The following NALF1 variants were observed in gnomAD, a reference collection of about 807,000 sequenced individuals.
The protein encoded by NALF1 is NALCN channel auxiliary factor 1.
In NALF1, 3 loss-of-function variants were observed where a neutral mutation model predicts 48.4. The observed-to-expected ratio is 0.06, with a 90% confidence interval of 0.03 to 0.16. The LOEUF (loss-of-function observed/expected upper bound fraction) is 0.16. Among genes scored for constraint, NALF1 ranks in the 10% least tolerant of loss-of-function variants. The pLI is 1.00. For missense variants in NALF1, 526 were observed against 571.5 expected, an observed-to-expected ratio of 0.92 and a Z score of 0.81; for synonymous variants, 262 against 245.7, an observed-to-expected ratio of 1.07 and a Z score of -0.62.
chr13:107,556,292 T>TAC (rs772041269), intron 1 of NALF1, among the ~76,000 whole-genome samples: 6 of 123,046 alleles, frequency 4.9e-5, no homozygotes, highest in African/African-American at 1.1e-4. Flanking sequence ...TATATATATA[T>TAC]ATATACACAC....
chr13:107,761,355 T>C (rs1299743515), intron 1 of NALF1, among the ~76,000 whole-genome samples: 1 of 66,966 alleles, frequency 1.5e-5, no homozygotes, highest in Non-Finnish European at 2.8e-5. Context: ...GGACTCCGTC[T>C]CAAAAAAACA....
chr13:107,251,343 T>A (rs561223409), intron 1 of NALF1, among the ~76,000 whole-genome samples: 1 of 152,350 alleles, frequency 6.6e-6, no homozygotes, highest in East Asian at 1.9e-4. Flanking sequence ...TTCTGGCAGA[T>A]GAGACAAGAA....
Position 107,167,764 on chromosome 13 carries a change from G to T in NALF1, c.*2733C>A, listed in dbSNP as rs200076249. 187 of 22,598 alleles carry T rather than the reference G, an allele frequency of 8.3e-3. No individual in the cohort carries two copies. The highest frequency in any genetic ancestry group is 0.027 in the African/African-American group (161 of 5,980). 1.4% of individuals were successfully genotyped at this position (22,598 alleles called of 1,614,324 possible). On this transcript the variant is annotated 3_prime_UTR_variant, in exon 3 of 3. Coordinates refer to ENST00000375915, the MANE Select transcript of NALF1 (RefSeq NM_001080396.3). The stretch of plus-strand genomic sequence containing the variant: ...AACTTTCAAAGCTGTGTTTTTTTTT[G>T]GGGGGTGGGGGGCAGTGTGTACCTC...
chr13:107,411,893 C>G (rs1883998481), intron 1 of NALF1, among the ~76,000 whole-genome samples: 1 of 152,002 alleles, frequency 6.6e-6, no homozygotes, highest in African/African-American at 2.4e-5. Flanking sequence ...GCAGAACACG[C>G]CCCAGGCTGG....
At chr13:107,762,469 A>G (rs1877290813) in intron 1 of NALF1, among the ~76,000 whole-genome samples, 1 of 152,148 alleles carries the variant, frequency 6.6e-6, no homozygotes, top group African/African-American at 2.4e-5. Context: ...ATAATCACAC[A>G]AGGGGTCATG....
chr13:107,664,901 C>T (rs1260534937), intron 1 of NALF1, among the ~76,000 whole-genome samples: 3 of 152,002 alleles, frequency 2.0e-5, no homozygotes, highest in Non-Finnish European at 2.9e-5. Context: ...TCACATCCTA[C>T]TCCAGCTCTT....
intron 1 of NALF1, among the ~76,000 whole-genome samples, chr13:107,234,299 C>G (rs1880291389): frequency 6.6e-6 from 1 of 152,138 alleles, no homozygotes; most frequent in African/African-American, 2.4e-5. Context: ...TAGGTGAGCC[C>G]CTCTTTCACC....
At chr13:107,706,381 C>G (rs1881947749) in intron 1 of NALF1, among the ~76,000 whole-genome samples, 2 of 152,232 alleles carry the variant, frequency 1.3e-5, no homozygotes, top group East Asian at 3.9e-4. Flanking sequence ...AAGACAGATT[C>G]TATCAGCAGT....
At chr13:107,646,476 C>T (rs1382321066) in intron 1 of NALF1, among the ~76,000 whole-genome samples, 1 of 152,066 alleles carries the variant, frequency 6.6e-6, no homozygotes, top group East Asian at 1.9e-4. Context: ...AGATGCTGAT[C>T]CCTTCTTTTC....
chr13:107,722,502 G>A (rs1876015835), intron 1 of NALF1, among the ~76,000 whole-genome samples: 1 of 152,160 alleles, frequency 6.6e-6, no homozygotes, highest in African/African-American at 2.4e-5. Context: ...TCTGGGCACA[G>A]GAATGGAAGC....
At chr13:107,669,735 CA>C (rs1880948053) in intron 1 of NALF1, among the ~76,000 whole-genome samples, 1 of 152,058 alleles carries the variant, frequency 6.6e-6, no homozygotes, top group African/African-American at 2.4e-5. Context: ...AAAAAATAAG[CA>C]AGCAGTCCCT....
intron 1 of NALF1, among the ~76,000 whole-genome samples, chr13:107,378,393 CATATAT>C (rs34354646): frequency 2.0e-5 from 3 of 148,488 alleles, no homozygotes; most frequent in African/African-American, 7.4e-5. Context: ...TTTGGAGAGA[CATATAT>C]ATATATATAT....
At chr13:107,262,618 T>C (rs1880950789) in intron 1 of NALF1, among the ~76,000 whole-genome samples, 1 of 152,150 alleles carries the variant, frequency 6.6e-6, no homozygotes, top group African/African-American at 2.4e-5. Flanking sequence ...TTTACACACA[T>C]GCAGAAATGT....
chr13:107,807,555 C>T (rs1466030858), intron 1 of NALF1, among the ~76,000 whole-genome samples: 2 of 152,178 alleles, frequency 1.3e-5, no homozygotes, highest in African/African-American at 4.8e-5. Context: ...ACTGCATTAC[C>T]TAACTATTGT....
intron 1 of NALF1, among the ~76,000 whole-genome samples, chr13:107,312,396 G>C (rs1160863129): frequency 6.6e-6 from 1 of 151,934 alleles, no homozygotes; most frequent in Non-Finnish European, 1.5e-5. Flanking sequence ...CACAGGAAGG[G>C]GAACATCACA....
intron 1 of NALF1, among the ~76,000 whole-genome samples, chr13:107,586,746 C>T (rs1353896950): frequency 1.3e-5 from 2 of 149,796 alleles, no homozygotes; most frequent in Non-Finnish European, 3.0e-5. Flanking sequence ...AATGCCACTA[C>T]TTTTTGTATC....
intron 1 of NALF1, among the ~76,000 whole-genome samples, chr13:107,253,233 G>T (rs754385280): frequency 1.3e-5 from 2 of 149,728 alleles, no homozygotes; most frequent in Non-Finnish European, 3.0e-5. Flanking sequence ...TACTTTCAGA[G>T]TTATTTCTTA....
chr13:107,220,399 A>G (rs1879964949), intron 1 of NALF1, among the ~76,000 whole-genome samples: 1 of 152,220 alleles, frequency 6.6e-6, no homozygotes, highest in South Asian at 2.1e-4. Flanking sequence ...GGTCTGCATT[A>G]CTGTCAGAAA....
chr13:107,688,693 T>C (rs1046079598), intron 1 of NALF1, among the ~76,000 whole-genome samples: 3 of 152,336 alleles, frequency 2.0e-5, no homozygotes, highest in Non-Finnish European at 4.4e-5. Flanking sequence ...TCAAAGACAG[T>C]GTATCTCTGT....
Sources: allele counts gnomAD v4.1 joint callset (sites outside exome capture counted in the v4.1 genomes callset), GRCh38; gene constraint gnomAD v4.1.1; transcripts MANE v1.5; gene names NCBI Gene and HGNC (gene_info 2026-07-23, HGNC 2026-07-21).